Variants in ACTR3C observed in about 807,000 individuals in gnomAD.
ACTR3C encodes actin-related protein 3C.
In ACTR3C, 18 loss-of-function variants were observed where a neutral mutation model predicts 26.3. That is an observed-to-expected ratio of 0.68 (90% CI 0.47 to 1.01). The LOEUF is 1.01. ACTR3C is among the 50% of genes least tolerant of loss of function. ACTR3C has a pLI of 0.00. For missense variants in ACTR3C, 184 were observed against 250.7 expected (o/e 0.73, Z 1.80); for synonymous variants, 55 against 94.5 (o/e 0.58, Z 2.42).
chr7:150,036,655 C>A, the ACTR3C span, among the ~76,000 whole-genome samples: 2 of 141,350 alleles, frequency 1.4e-5, no homozygotes, highest in East Asian at 3.9e-4. Context: ...CTCTCACCTG[C>A]CTTCTGCCCT....
chr7:150,042,746 G>A, the ACTR3C span, among the ~76,000 whole-genome samples: 1 of 151,620 alleles, frequency 6.6e-6, no homozygotes, highest in African/African-American at 2.4e-5. Context: ...CTCTAATAGG[G>A]GGGCCATCCT....
chr7:150,193,259 G>A, the ACTR3C span, among the ~76,000 whole-genome samples: 2 of 151,936 alleles, frequency 1.3e-5, no homozygotes, highest in African/African-American at 4.8e-5. Context: ...TATGGGCATA[G>A]AATTGTTCAT....
rs143235175 is a variant in ACTR3C, at chr7:150,284,162, A to G, written c.564+591T>C. On this transcript the variant is annotated intron_variant, in intron 6 of 7. Coordinates refer to ENST00000683684, the MANE Select transcript of ACTR3C (RefSeq NM_001164458.2). ...AAGCATGGAGGAGGGCATCACTCTTACTTTCCATCGATATTTGTGGCTAAA... is the reference window on the plus strand; with the variant it reads ...AAGCATGGAGGAGGGCATCACTCTTGCTTTCCATCGATATTTGTGGCTAAA... Among the ~76,000 whole-genome samples the G allele has an allele frequency of 1.4e-3, 219 of 152,342 alleles. 1 individual carries two copies. The highest frequency in any genetic ancestry group is 5.0e-3 in the African/African-American group (206 of 41,570).
the ACTR3C span, among the ~76,000 whole-genome samples, chr7:150,211,463 T>G: frequency 6.6e-6 from 1 of 151,756 alleles, no homozygotes; most frequent in South Asian, 2.1e-4. Flanking sequence ...TGTATTTTAG[T>G]AGAGATGGGG....
chr7:150,088,016 T>G, the ACTR3C span, among the ~76,000 whole-genome samples: 1 of 152,242 alleles, frequency 6.6e-6, no homozygotes, highest in Non-Finnish European at 1.5e-5. Context: ...ACTTCCCATT[T>G]TCAATTGGGT....
intron 6 of ACTR3C, among the ~76,000 whole-genome samples, chr7:150,262,547 A>C (rs1379831461): frequency 6.6e-6 from 1 of 152,216 alleles, no homozygotes; most frequent in East Asian, 1.9e-4. Context: ...CCTTTCTCCC[A>C]TGAAATGAGA....
the ACTR3C span, among the ~76,000 whole-genome samples, chr7:150,051,799 T>A: frequency 2.6e-5 from 4 of 151,534 alleles, no homozygotes; most frequent in Non-Finnish European, 4.4e-5. Context: ...ATATGTTGGA[T>A]AGTCATTTTT....
the ACTR3C span, among the ~76,000 whole-genome samples, chr7:150,033,068 C>T: frequency 5.9e-5 from 9 of 152,088 alleles, no homozygotes; most frequent in Non-Finnish European, 1.0e-4. Flanking sequence ...ACAATCAAGA[C>T]CAGGAGGTTC....
the ACTR3C span, among the ~76,000 whole-genome samples, chr7:150,204,698 A>G: frequency 0.098 from 14,822 of 151,648 alleles, 929 homozygotes; most frequent in East Asian, 0.24. Context: ...GAGGAGGAGC[A>G]AGGAACATGC....
At chr7:150,092,397 G>A in the ACTR3C span, among the ~76,000 whole-genome samples, 1 of 151,564 alleles carries the variant, frequency 6.6e-6, no homozygotes, top group East Asian at 1.9e-4. Flanking sequence ...ACACAGCCCT[G>A]GTGCCAGAGC....
chr7:150,177,757 T>G, the ACTR3C span, among the ~76,000 whole-genome samples: 2 of 150,906 alleles, frequency 1.3e-5, no homozygotes. Flanking sequence ...TTCTCATATA[T>G]CCAGTGTTAT....
At chr7:150,173,302 T>C in the ACTR3C span, among the ~76,000 whole-genome samples, 1 of 146,716 alleles carries the variant, frequency 6.8e-6, no homozygotes, top group Non-Finnish European at 1.5e-5. Flanking sequence ...TTGACTATTG[T>C]GCATTTGCCG....
the ACTR3C span, among the ~76,000 whole-genome samples, chr7:150,025,728 A>G: frequency 6.6e-6 from 1 of 152,158 alleles, no homozygotes; most frequent in Non-Finnish European, 1.5e-5. Context: ...CTTGATAATT[A>G]TACAGCTGGG....
At chr7:150,161,202 T>TATATATATATATATATATATATATATATA in the ACTR3C span, among the ~76,000 whole-genome samples, 5 of 102,998 alleles carry the variant, frequency 4.9e-5, no homozygotes, top group African/African-American at 1.8e-4. Flanking sequence ...AGGAAAGTAT[T>TATATATATATATATATATATATATATATA]TATATATATA....
At chr7:149,965,877 C>T in the ACTR3C span, among the ~76,000 whole-genome samples, 1 of 152,214 alleles carries the variant, frequency 6.6e-6, no homozygotes, top group Non-Finnish European at 1.5e-5. Context: ...AACCCACCCT[C>T]TCCCCAACTT....
chr7:149,934,025 A>C, the ACTR3C span, among the ~76,000 whole-genome samples: 2 of 150,630 alleles, frequency 1.3e-5, no homozygotes, highest in African/African-American at 4.9e-5. Flanking sequence ...GCAACGCATA[A>C]ATTCTGGGTG....
chr7:150,221,592 A>G, the ACTR3C span, among the ~76,000 whole-genome samples: 2 of 152,232 alleles, frequency 1.3e-5, no homozygotes, highest in African/African-American at 2.4e-5. Flanking sequence ...CTATTTCACC[A>G]TCCCAAAATC....
chr7:149,994,846 T>G, the ACTR3C span, among the ~76,000 whole-genome samples: 1 of 123,692 alleles, frequency 8.1e-6, no homozygotes, highest in African/African-American at 3.3e-5. Context: ...TTAACATTCT[T>G]TTTTTTTTTT....
the ACTR3C span, among the ~76,000 whole-genome samples, chr7:150,132,829 CA>C: frequency 6.6e-6 from 1 of 152,102 alleles, no homozygotes; most frequent in East Asian, 1.9e-4. Flanking sequence ...CTCACAATAG[CA>C]AAAACATGGA....
Sources: gnomAD v4.1 joint callset for allele counts (sites outside exome capture counted in the v4.1 genomes callset) on GRCh38, gnomAD v4.1.1 for gene constraint, MANE v1.5 for transcripts, NCBI Gene and HGNC (gene_info 2026-07-23, HGNC 2026-07-21) for gene names.